The following ATG13 variants were observed in gnomAD, a reference collection of about 807,000 sequenced individuals.
ATG13 encodes autophagy-related protein 13.
A neutral mutation model predicts 65.5 loss-of-function variants in ATG13; 23 were observed. The observed-to-expected ratio is 0.35, with a 90% CI of 0.25 to 0.50. The LOEUF (loss-of-function observed/expected upper bound fraction) is 0.50. Ranked by LOEUF, ATG13 falls within the 20% of genes least tolerant of loss-of-function variation. The pLI is 0.98. For missense variants in ATG13, 566 were observed against 677.0 expected (o/e 0.84, Z 1.82); for synonymous variants, 252 against 245.2 (o/e 1.03, Z -0.26).
chr11:46,645,445 G>A (rs756304138), intron 4 of ATG13, 26 bp downstream of exon 4: 64 of 1,574,364 alleles, frequency 4.1e-5, no homozygotes, highest in Non-Finnish European at 5.5e-5. Flanking sequence ...TTACTAAGGT[G>A]TATACTGTAG....
rs200378608 is a variant in ATG13 at position 46,650,303 on chromosome 11, T to C, written c.444T>C (p.Tyr148=). 6.2e-7 allele frequency: 1 copy of C among 1,613,930 alleles called. No individual in the cohort carries two copies. The highest frequency in any genetic ancestry group is 2.2e-5 in the East Asian group (1 of 44,882). ...YRLSRKQGHE[Y]VILYRIYFGE... ...TCTCCAGGAAACAAGGGCATGAATA[T>C]GTCATATTATACAGGTAAACAGCAT... The change falls in exon 7 of 19, where the codon TAT becomes TAC. Residue 148 remains tyrosine (Y), a synonymous_variant. Transcript: ENST00000683050.
In ATG13 at chr11:46,668,029, C is replaced by T. The variant is rs146453792; in HGVS notation, c.1251+142C>T. 6.1e-4 allele frequency: 402 copies of T among 660,924 alleles called. 2 individuals are homozygous for T. In the African/African-American group the frequency reaches 6.4e-3, roughly 11 times the overall value. 40.9% of individuals were successfully genotyped at this position (660,924 alleles called of 1,614,324 possible). On this transcript the variant is annotated intron_variant, in intron 15 of 18. Transcript: ENST00000683050. ...AAACTGTATGTGTGTGTAAATTTTT[C>T]TGTGAAGAGGATTAATAACCTGTGC... is the stretch of plus-strand genomic sequence containing the variant.
chr11:46,657,586 A>G lies in ATG13; in HGVS notation c.659A>G (p.Tyr220Cys), dbSNP rs2060290453. 3 of 1,612,186 alleles carry G rather than the reference A, an allele frequency of 1.9e-6. No homozygotes were observed. Among genetic ancestry groups the G allele is most frequent in the Non-Finnish European group, 2.5e-6 (3 of 1,179,168 alleles). ...IIIDHFVDRP[Y>C]PSSSPMHPCN... The stretch of plus-strand genomic sequence containing the variant: ...ATTGATCACTTTGTGGACCGTCCCT[A>G]TCCCAGCTCCTCTCCCATGCACCCC... The change falls in exon 10 of 19, where the codon TAT (tyrosine) becomes TGT (cysteine). Residue 220 changes from tyrosine to cysteine, a missense_variant. Coordinates refer to ENST00000683050, the MANE Select transcript of ATG13 (RefSeq NM_001346311.2).
In ATG13 at chr11:46,664,029, G is replaced by A. The variant is rs372820527; in HGVS notation, c.822G>A (p.Gln274=). The A allele has an allele frequency of 6.5e-5, 103 of 1,582,922 alleles. No homozygotes were observed. The highest frequency in any genetic ancestry group is 1.7e-4 in the Middle Eastern group (1 of 5,786). Residue 274 remains glutamine (Q), a synonymous_variant, in exon 12 of 19, where the codon CAG becomes CAA. Transcript: ENST00000683050. ...CVFTVTKAHF[Q]TPTPVVTDTL... ...TTACTGTCACAAAGGCACATTTTCAGACCCCTACTCCTGTGGTGACGGACA... is the reference window on the plus strand; with the variant it reads ...TTACTGTCACAAAGGCACATTTTCAAACCCCTACTCCTGTGGTGACGGACA...
In ATG13 at chr11:46,649,169, T is replaced by C; in HGVS notation, c.303T>C (p.Leu101=). 1.2e-6 allele frequency: 2 copies of C among 1,613,394 alleles called. No homozygotes were observed. Among genetic ancestry groups the C allele is most frequent in the Non-Finnish European group, 1.7e-6 (2 of 1,179,584 alleles). Residue 101 remains leucine (L), a synonymous_variant, in exon 6 of 19, where the codon CTT becomes CTC. Transcript: ENST00000683050. The part of the protein sequence containing the change: ...GDSMELEIWC[L]EMNEKCDKEI... ...CCATGGAGCTGGAAATATGGTGTCT[T>C]GAAATGAATGAAAAGTAAGTGCTGC...
intron 1 of ATG13, among the ~76,000 whole-genome samples, chr11:46,626,261 G>T (rs1401252416): frequency 6.6e-6 from 1 of 151,282 alleles, no homozygotes; most frequent in Non-Finnish European, 1.5e-5. Flanking sequence ...GGCCTCTTTT[G>T]TTTTTTGAGA....
intron 11 of ATG13, among the ~76,000 whole-genome samples, chr11:46,662,674 T>A (rs552445186): frequency 6.6e-6 from 1 of 152,356 alleles, no homozygotes; most frequent in South Asian, 2.1e-4. Flanking sequence ...ACCTAATTTC[T>A]CTTGGCAGTA....
chr11:46,659,628 G>A (rs1431296291), intron 11 of ATG13, 143 bp downstream of exon 11: 9 of 609,260 alleles, frequency 1.5e-5, no homozygotes, highest in Non-Finnish European at 2.3e-5. Flanking sequence ...GTAAGAGAGA[G>A]CCTTCTTGTC....
rs868317479 is a variant in ATG13, at chr11:46,655,883, A to T, written c.459-350A>T. 4.6e-5 allele frequency among the ~76,000 whole-genome samples: 7 copies of T among 152,210 alleles called. No individual in the cohort carries two copies. In the South Asian group the frequency reaches 1.2e-3, roughly 27 times the overall value. ...CTCCCAGTTATCTGGTACTCCAGGC[A>T]TGCACCATCACACCCGGCAAAATTA... On this transcript the variant is annotated intron_variant, in intron 7 of 18. Coordinates refer to ENST00000683050, the MANE Select transcript of ATG13 (RefSeq NM_001346311.2).
intron 15 of ATG13, among the ~76,000 whole-genome samples, chr11:46,668,106 C>T (rs73451889): frequency 0.063 from 9,634 of 152,236 alleles, 1,031 homozygotes; most frequent in African/African-American, 0.22. Flanking sequence ...TTTAAAGCCT[C>T]CTACAAGAAA....
chr11:46,671,131 CT>C (rs1420927150), intron 18 of ATG13, among the ~76,000 whole-genome samples: 1 of 152,128 alleles, frequency 6.6e-6, no homozygotes, highest in Non-Finnish European at 1.5e-5. Flanking sequence ...GTTCTGAGGC[CT>C]CCCTCTCCTT....
At chr11:46,666,201 T>C (rs1486218919) in intron 14 of ATG13, among the ~76,000 whole-genome samples, 1 of 152,222 alleles carries the variant, frequency 6.6e-6, no homozygotes, top group Non-Finnish European at 1.5e-5. Context: ...GTCAGGAAGC[T>C]GGCGTGGAAC....
intron 1 of ATG13, among the ~76,000 whole-genome samples, chr11:46,629,675 G>A (rs2135879173): frequency 6.6e-6 from 1 of 151,984 alleles, no homozygotes; most frequent in East Asian, 1.9e-4. Flanking sequence ...GGGATTACAG[G>A]CATGAGCCAC....
intron 18 of ATG13, among the ~76,000 whole-genome samples, chr11:46,670,033 G>A (rs1384795017): frequency 1.3e-5 from 2 of 152,160 alleles, no homozygotes; most frequent in Non-Finnish European, 2.9e-5. Context: ...CTGCCTCTGA[G>A]GGGCAGAAGA....
intron 1 of ATG13, chr11:46,625,396 T>C (rs925527956): frequency 6.7e-6 from 1 of 149,590 alleles, no homozygotes; most frequent in Non-Finnish European, 1.5e-5. Flanking sequence ...CACATCAGCC[T>C]CCTGAGTAGC....
intron 2 of ATG13, among the ~76,000 whole-genome samples, chr11:46,642,703 A>AT (rs2056448903): frequency 6.6e-6 from 1 of 151,932 alleles, no homozygotes; most frequent in South Asian, 2.1e-4. Context: ...TGATTTCCCC[A>AT]TTTTTCATAC....
At chr11:46,654,504 TG>T (rs1055179896) in intron 7 of ATG13, among the ~76,000 whole-genome samples, 64 of 151,224 alleles carry the variant, frequency 4.2e-4, no homozygotes, top group Middle Eastern at 3.5e-3. Flanking sequence ...GAGGATCGCT[TG>T]AGTTCAGGAG....
chr11:46,669,285 C>A, intron 17 of ATG13, 119 bp from the exon 18 acceptor site: 1 of 1,264,400 alleles, frequency 7.9e-7, no homozygotes, highest in Non-Finnish European at 1.1e-6. Context: ...GTAAAGATTT[C>A]TCTCCCTAAG....
At chr11:46,652,613 G>A (rs2136513618) in intron 7 of ATG13, among the ~76,000 whole-genome samples, 1 of 152,004 alleles carries the variant, frequency 6.6e-6, no homozygotes, top group Non-Finnish European at 1.5e-5. Context: ...CTACTCAGGA[G>A]GCTGAGGGAG....
Sources: allele counts gnomAD v4.1 joint callset (sites outside exome capture counted in the v4.1 genomes callset), GRCh38; gene constraint gnomAD v4.1.1; transcripts MANE v1.5; gene names NCBI Gene and HGNC (gene_info 2026-07-23, HGNC 2026-07-21).